Variants in DRC9 observed in about 807,000 individuals in gnomAD.
DRC9 encodes dynein regulatory complex subunit 9.
chr3:197,907,763 C>A, the DRC9 span, among the ~76,000 whole-genome samples: 1 of 152,028 alleles, frequency 6.6e-6, no homozygotes, highest in East Asian at 1.9e-4. Context: ...GGTGACTGTA[C>A]CAGGTCTGAA....
the DRC9 span, among the ~76,000 whole-genome samples, chr3:197,946,290 C>T: frequency 6.6e-6 from 1 of 151,926 alleles, no homozygotes; most frequent in African/African-American, 2.4e-5. Flanking sequence ...AAAAAATTAG[C>T]CGGGCGTGGT....
At chr3:197,956,109 A>G in the DRC9 span, 4 of 309,122 alleles carry the variant, frequency 1.3e-5, no homozygotes, top group South Asian at 6.8e-5. Flanking sequence ...GGCTCATGCC[A>G]CCATCCCTGG....
the DRC9 span, among the ~76,000 whole-genome samples, chr3:197,922,970 A>T: frequency 1.3e-5 from 2 of 152,304 alleles, no homozygotes; most frequent in South Asian, 4.1e-4. Context: ...AGTAGTTTTT[A>T]AAAAATATAA....
At chr3:197,953,729 C>T in the DRC9 span, 1 of 519,726 alleles carries the variant, frequency 1.9e-6, no homozygotes, top group Non-Finnish European at 3.5e-6. Flanking sequence ...TTCAATATTG[C>T]CTCTGTTATC....
At chr3:197,907,709 G>A in the DRC9 span, among the ~76,000 whole-genome samples, 1 of 152,158 alleles carries the variant, frequency 6.6e-6, no homozygotes, top group Admixed American at 6.5e-5. Context: ...GGTCTGAAGA[G>A]TGAGCCGTTT....
At chr3:197,951,124 C>T in the DRC9 span, 2 of 1,613,666 alleles carry the variant, frequency 1.2e-6, no homozygotes, top group Non-Finnish European at 1.7e-6. Context: ...TTTTTTGAAG[C>T]TTATGTTTCA....
chr3:197,892,470 C>T, the DRC9 span, among the ~76,000 whole-genome samples: 1 of 152,046 alleles, frequency 6.6e-6, no homozygotes, highest in African/African-American at 2.4e-5. Flanking sequence ...TAGCAATACC[C>T]AGCTACTGTG....
chr3:197,907,274 T>C, the DRC9 span, among the ~76,000 whole-genome samples: 3 of 152,230 alleles, frequency 2.0e-5, no homozygotes, highest in African/African-American at 7.2e-5. Flanking sequence ...TGCTTGGTGG[T>C]AGACGTGTAA....
the DRC9 span, among the ~76,000 whole-genome samples, chr3:197,955,038 A>AT: frequency 6.6e-6 from 1 of 151,540 alleles, no homozygotes; most frequent in Non-Finnish European, 1.5e-5. Context: ...ATTTTTCTCA[A>AT]TTTTCTCCTG....
At chr3:197,917,142 C>T in the DRC9 span, among the ~76,000 whole-genome samples, 1 of 152,158 alleles carries the variant, frequency 6.6e-6, no homozygotes, top group Non-Finnish European at 1.5e-5. Flanking sequence ...ACAGTGAAAA[C>T]CTGTCTCTAC....
chr3:197,926,089 T>C, the DRC9 span: 3 of 1,553,664 alleles, frequency 1.9e-6, no homozygotes, highest in Middle Eastern at 1.7e-4. Context: ...ATTATCTGTT[T>C]TCTTCCTTTT....
chr3:197,889,403 A>C, the DRC9 span: 8 of 711,898 alleles, frequency 1.1e-5, no homozygotes, highest in Non-Finnish European at 1.9e-5. Context: ...GGGTTTGAAA[A>C]CCCACCTAAC....
the DRC9 span, chr3:197,951,104 G>A: frequency 1.9e-6 from 3 of 1,612,226 alleles, no homozygotes; most frequent in Admixed American, 1.7e-5. Flanking sequence ...GTGATTACAA[G>A]TCAGATTGGT....
the DRC9 span, among the ~76,000 whole-genome samples, chr3:197,937,664 G>A: frequency 6.6e-6 from 1 of 152,016 alleles, no homozygotes; most frequent in East Asian, 1.9e-4. Flanking sequence ...ATTTTTAGTA[G>A]AGACAGGGTT....
chr3:197,918,103 T>C, the DRC9 span, among the ~76,000 whole-genome samples: 1 of 149,350 alleles, frequency 6.7e-6, no homozygotes, highest in African/African-American at 2.5e-5. Flanking sequence ...TGAATCTTTT[T>C]TTTTTTTTTT....
the DRC9 span, among the ~76,000 whole-genome samples, chr3:197,944,989 A>T: frequency 2.0e-5 from 3 of 152,204 alleles, no homozygotes; most frequent in East Asian, 5.8e-4. Flanking sequence ...GATGCTAACC[A>T]AAAGTGTCTC....
chr3:197,929,514 A>G, the DRC9 span, among the ~76,000 whole-genome samples: 16 of 152,132 alleles, frequency 1.1e-4, no homozygotes, highest in African/African-American at 3.1e-4. This position sits in a 1 kb window ranked among gnomAD's most constrained non-coding sequence, Gnocchi z 4.6. Flanking sequence ...GCTCACACCT[A>G]TAAGCCCAAC....
chr3:197,915,267 G>A, the DRC9 span, among the ~76,000 whole-genome samples: 181 of 142,418 alleles, frequency 1.3e-3, no homozygotes, highest in African/African-American at 4.8e-3. Flanking sequence ...ATAAGTATAT[G>A]CCCAAATCCT....
the DRC9 span, chr3:197,957,030 T>C: frequency 6.6e-6 from 1 of 152,200 alleles, no homozygotes; most frequent in Non-Finnish European, 1.5e-5. Flanking sequence ...CTCTTGTCTA[T>C]GCTGCAAAAG....
Sources: allele counts gnomAD v4.1 joint callset (sites outside exome capture counted in the v4.1 genomes callset), GRCh38; gene constraint gnomAD v4.1.1; non-coding constraint Gnocchi (gnomAD v3.1); transcripts MANE v1.5; gene names NCBI Gene and HGNC (gene_info 2026-07-23, HGNC 2026-07-21).